KIF1A: variants seen among roughly 807,000 people sequenced by gnomAD.
KIF1A encodes kinesin-like protein KIF1A.
KIF1A carries 46 observed loss-of-function variants against 227.3 expected under a neutral mutation model. That is an observed-to-expected ratio of 0.20 (90% CI 0.16 to 0.26). The LOEUF is 0.26. KIF1A is among the 10% of genes least tolerant of loss of function. KIF1A has a pLI of 1.00. For missense variants in KIF1A, 1,683 were observed against 2,485.9 expected (o/e 0.68, Z 6.87); for synonymous variants, 1,022 against 1,012.8 (o/e 1.01, Z -0.17).
chr2:240,776,616 G>C (rs1233311710), intron 10 of KIF1A, among the ~76,000 whole-genome samples: 2 of 152,204 alleles, frequency 1.3e-5, no homozygotes, highest in Non-Finnish European at 2.9e-5. Flanking sequence ...CAGACACTCT[G>C]TGACTGACTT....
At chr2:240,820,334 C>A (rs572390615), upstream of KIF1A, 1 of 150,888 alleles carries the variant, frequency 6.6e-6, no homozygotes, top group East Asian at 2.0e-4. This position sits in a 1 kb window ranked among gnomAD's most constrained non-coding sequence, Gnocchi z 6.2. Flanking sequence ...GCTGGTTTGT[C>A]GCGCGGGGAG....
chr2:240,812,868 A>AGCTATCACTCGGGGATCC (rs2058001550), intron 1 of KIF1A, among the ~76,000 whole-genome samples: 1 of 77,858 alleles, frequency 1.3e-5, no homozygotes, highest in Non-Finnish European at 2.5e-5. Flanking sequence ...CTCGGGGATC[A>AGCTATCACTCGGGGATCC]GCCTTCACTC....
rs1196012011 is a variant in KIF1A at position 240,715,386 on chromosome 2, G to A, written c.*1978C>T. The A allele has an allele frequency of 6.6e-6, 1 of 152,388 alleles. No homozygotes were observed. Among genetic ancestry groups the A allele is most frequent in the Admixed American group, 6.5e-5 (1 of 15,292 alleles). The allele number at this position is 152,388 out of a possible 1,614,324, so 9.4% of individuals were successfully genotyped here. A position where few individuals can be genotyped will look rare whatever the true frequency, so the allele number is the denominator to read the frequency against. ...TCCCAGGCGTGGCTTCCCGAGCCCTGATTCTCCCTCACAGAACCCCCCCAT... is the reference window on the plus strand; with the variant it reads ...TCCCAGGCGTGGCTTCCCGAGCCCTAATTCTCCCTCACAGAACCCCCCCAT... On this transcript the variant is annotated 3_prime_UTR_variant, in exon 49 of 49. Transcript: ENST00000498729.
chr2:240,741,233 C>T (rs1253367539), intron 35 of KIF1A, 36 bp downstream of exon 35: 4 of 1,427,532 alleles, frequency 2.8e-6, no homozygotes, highest in East Asian at 4.9e-5. Flanking sequence ...CCCCGACACA[C>T]ACTCACGCCC....
intron 1 of KIF1A, among the ~76,000 whole-genome samples, chr2:240,816,758 G>A (rs1443120157): frequency 1.3e-5 from 2 of 152,188 alleles, no homozygotes; most frequent in Non-Finnish European, 2.9e-5. Flanking sequence ...CCACACATCC[G>A]GATCAATCTC....
chr2:240,762,975 T>C, intron 22 of KIF1A, 44 bp downstream of exon 22: 3 of 1,118,202 alleles, frequency 2.7e-6, no homozygotes, highest in Non-Finnish European at 3.5e-6. Context: ...GGTCCCCTGG[T>C]GTGGGTGGGG....
intron 10 of KIF1A, chr2:240,782,172 C>A: frequency 1.0e-6 from 1 of 985,380 alleles, no homozygotes; most frequent in African/African-American, 1.7e-5. Flanking sequence ...CACACGCGCC[C>A]GCCTCCCCCT....
chr2:240,729,012 G>A (rs2125649471), intron 38 of KIF1A, among the ~76,000 whole-genome samples: 1 of 152,322 alleles, frequency 6.6e-6, no homozygotes, highest in South Asian at 2.1e-4. Context: ...GTACACGTCA[G>A]CATCCCTGTC....
intron 7 of KIF1A, among the ~76,000 whole-genome samples, 171 bp from the exon 8 acceptor site, chr2:240,783,987 G>A (rs546774887): frequency 5.5e-4 from 84 of 152,194 alleles, no homozygotes; most frequent in African/African-American, 1.8e-3. Context: ...GTTTCCACCC[G>A]CACCTCCGTC....
chr2:240,786,347 CCT>C lies in KIF1A; in HGVS notation c.594_595del (p.Gly199GlufsTer13). The C allele has an allele frequency of 6.2e-7, 1 of 1,613,530 alleles. No homozygotes were observed. Among genetic ancestry groups the C allele is most frequent in the Non-Finnish European group, 8.5e-7 (1 of 1,179,780 alleles). ...TCCCTCCACCCACCTGGCCTTGTTC[CCT>C]GAGTCCATGAGGTCCTGGATGTCAT... is the stretch of plus-strand genomic sequence containing the variant. On this transcript the variant is annotated frameshift_variant, in exon 6 of 49. Transcript: ENST00000498729. LOFTEE classifies it high-confidence loss of function.
intron 2 of KIF1A, among the ~76,000 whole-genome samples, chr2:240,794,241 T>G (rs1449212294): frequency 2.6e-5 from 4 of 152,258 alleles, no homozygotes; most frequent in Admixed American, 1.3e-4. Context: ...CTCAGATTTC[T>G]GACATAGCTT....
chr2:240,760,752 G>A lies in KIF1A; in HGVS notation c.2357C>T (p.Thr786Met), dbSNP rs766807173. ...LPPEAAKDRE[T>M]RPFPRTIVAV... ...CACAATGGTGCGGGGGAAGGGCCGC[G>A]TCTCTCGGTCTTTGGCGGCCTCTGG... Residue 786 changes from threonine to methionine, a missense_variant, in exon 25 of 49, where the codon ACG (threonine) becomes ATG (methionine). Coordinates refer to ENST00000498729, the MANE Select transcript of KIF1A (RefSeq NM_001244008.2). The A allele has an allele frequency of 6.8e-5, 109 of 1,600,888 alleles. No homozygotes were observed. Among genetic ancestry groups the A allele is most frequent in the Non-Finnish European group, 8.8e-5 (103 of 1,174,004 alleles).
intron 10 of KIF1A, among the ~76,000 whole-genome samples, chr2:240,777,590 C>T (rs1002015416): frequency 1.4e-4 from 21 of 152,202 alleles, no homozygotes; most frequent in African/African-American, 4.6e-4. Flanking sequence ...GCTGACCTTC[C>T]ATCCTGACTT....
intron 8 of KIF1A, 129 bp from the exon 9 acceptor site, chr2:240,783,238 G>T: frequency 1.3e-6 from 1 of 771,706 alleles, no homozygotes; most frequent in Non-Finnish European, 2.3e-6. Context: ...GATCTCTGGG[G>T]CCACTTGGGC....
chr2:240,786,823 A>G (rs2054979810), intron 5 of KIF1A, among the ~76,000 whole-genome samples: 1 of 147,228 alleles, frequency 6.8e-6, no homozygotes, highest in Non-Finnish European at 1.5e-5. Flanking sequence ...CCCCTGAGTG[A>G]GAGGGTGGGG....
At chr2:240,807,278 C>A (rs567649206) in intron 1 of KIF1A, among the ~76,000 whole-genome samples, 1 of 151,928 alleles carries the variant, frequency 6.6e-6, no homozygotes, top group African/African-American at 2.4e-5. Context: ...CCCTAGTATG[C>A]GCCACTAGGC....
In KIF1A at chr2:240,773,230, C is replaced by A. The variant is rs373042822; in HGVS notation, c.1064G>T (p.Arg355Leu). The A allele has an allele frequency of 6.2e-7, 1 of 1,613,804 alleles. No homozygotes were observed. Among genetic ancestry groups the A allele is most frequent in the Non-Finnish European group, 8.5e-7 (1 of 1,179,848 alleles). Residue 355 changes from arginine to leucine, a missense_variant, in exon 13 of 49, where the codon CGC becomes CTC. Transcript: ENST00000498729. ...GTCCTCATTGATGACAGCATTGCAG[C>A]GGATCTGCTTGGCCCGGTCAGCATA... ...LRYADRAKQI[R>L]CNAVINEDPN...
intron 10 of KIF1A, among the ~76,000 whole-genome samples, chr2:240,776,712 C>A (rs1475018532): frequency 6.6e-6 from 1 of 152,246 alleles, no homozygotes; most frequent in African/African-American, 2.4e-5. Flanking sequence ...TTCCAGAGCA[C>A]CTGCTGGGCC....
rs2055213333 is a variant in KIF1A, at chr2:240,788,360, GC to G, written c.184-131del. ...GGCAGCACAGTGGGGAGGGATGCCTGCCCCCCATCCTACTCCTGCCTTGTGG... is the reference window on the plus strand; with the variant it reads ...GGCAGCACAGTGGGGAGGGATGCCTGCCCCCATCCTACTCCTGCCTTGTGG... On this transcript the variant is annotated intron_variant, in intron 3 of 48. Transcript: ENST00000498729. The surrounding 1 kb of genome is among the most constrained non-coding windows in gnomAD (Gnocchi z 6.6). The G allele has an allele frequency of 3.8e-5, 30 of 781,226 alleles. No homozygotes were observed. In the South Asian group the frequency reaches 4.3e-4, roughly 11 times the overall value. The allele number at this position is 781,226 out of a possible 1,614,324, so 48.4% of individuals were successfully genotyped here.
Sources: gnomAD v4.1 joint callset for allele counts (sites outside exome capture counted in the v4.1 genomes callset) on GRCh38, gnomAD v4.1.1 for gene constraint, Gnocchi (gnomAD v3.1) non-coding constraint, MANE v1.5 for transcripts, NCBI Gene and HGNC (gene_info 2026-07-23, HGNC 2026-07-21) for gene names.